The following CREBBP variants were observed in gnomAD, a reference collection of about 807,000 sequenced individuals.
The protein encoded by CREBBP is CREB-binding protein.
Under a neutral mutation model 265.0 loss-of-function variants are expected in CREBBP, and 19 were observed. The observed-to-expected ratio is 0.07, with a 90% CI of 0.05 to 0.11. CREBBP has a LOEUF of 0.11. CREBBP is among the 10% of genes least tolerant of loss of function. The probability of loss-of-function intolerance (pLI) is 1.00; values close to 1 mark genes in which losing one functional copy is unlikely to be tolerated. For missense variants in CREBBP, 2,525 were observed against 3,219.0 expected (o/e 0.78, Z 5.22); for synonymous variants, 1,457 against 1,223.7 (o/e 1.19, Z -3.98).
At chr16:3,843,923 C>T (rs1055413649) in intron 2 of CREBBP, among the ~76,000 whole-genome samples, 6 of 151,358 alleles carry the variant, frequency 4.0e-5, no homozygotes, top group Admixed American at 1.3e-4. Flanking sequence ...CCGAGGCGGG[C>T]GGATCACGAG....
At chr16:3,795,434 T>C (rs1473108893) in intron 3 of CREBBP, among the ~76,000 whole-genome samples, 1 of 152,150 alleles carries the variant, frequency 6.6e-6, no homozygotes, top group African/African-American at 2.4e-5. Flanking sequence ...CAATAGAGCC[T>C]CGTATCTCCC....
intron 1 of CREBBP, among the ~76,000 whole-genome samples, chr16:3,870,346 T>C (rs1478943865): frequency 6.6e-6 from 1 of 152,236 alleles, no homozygotes; most frequent in African/African-American, 2.4e-5. Flanking sequence ...CTGACTAAAC[T>C]GGACAGTGAT....
intron 2 of CREBBP, among the ~76,000 whole-genome samples, chr16:3,841,474 T>A (rs184306424): frequency 0.013 from 1,944 of 151,854 alleles, 39 homozygotes; most frequent in African/African-American, 0.043. Context: ...ATCAATTTTT[T>A]AAAAAAAATC....
At chr16:3,733,585 C>G (rs998057473) in intron 28 of CREBBP, among the ~76,000 whole-genome samples, 3 of 152,194 alleles carry the variant, frequency 2.0e-5, no homozygotes, top group African/African-American at 7.2e-5. Flanking sequence ...ACAGGAGAAA[C>G]TGCGTGCTGC....
intron 15 of CREBBP, 85 bp from the exon 16 acceptor site, chr16:3,767,994 A>C: frequency 7.4e-7 from 1 of 1,348,146 alleles, no homozygotes; most frequent in Admixed American, 1.7e-5. Flanking sequence ...TACAAGCCTA[A>C]AACAGGTTTG....
chr16:3,757,685 G>A (rs754226112), intron 18 of CREBBP, 124 bp downstream of exon 18: 25 of 1,377,334 alleles, frequency 1.8e-5, no homozygotes, highest in Non-Finnish European at 2.5e-5. Flanking sequence ...CATCAACTGT[G>A]TCACCAGACA....
intron 1 of CREBBP, among the ~76,000 whole-genome samples, chr16:3,875,676 A>T (rs2055385856): frequency 6.6e-6 from 1 of 152,220 alleles, no homozygotes; most frequent in Non-Finnish European, 1.5e-5. Context: ...GAGACTTAGA[A>T]AATAAATATA....
chr16:3,739,604 G>A lies in CREBBP; in HGVS notation c.4254C>T (p.Gly1418=), dbSNP rs2052152324. The A allele has an allele frequency of 6.2e-7, 1 of 1,614,078 alleles. No individual in the cohort carries two copies. Among genetic ancestry groups the A allele is most frequent in the Admixed American group, 1.7e-5 (1 of 59,996 alleles). ...TCGTGTTTGGAGGGGGGCAATCAGA[G>A]CCGTATTCTTGGACGTGCATTCCAA... is the stretch of plus-strand genomic sequence containing the variant. The part of the protein sequence containing the change: ...CFFGMHVQEY[G]SDCPPPNTRR... Residue 1418 remains glycine (G), a synonymous_variant, in exon 25 of 31, where the codon GGC becomes GGT. Coordinates refer to ENST00000262367, the MANE Select transcript of CREBBP (RefSeq NM_004380.3).
intron 2 of CREBBP, among the ~76,000 whole-genome samples, chr16:3,823,501 ACT>A (rs2054179594): frequency 6.6e-6 from 1 of 151,794 alleles, no homozygotes; most frequent in Non-Finnish European, 1.5e-5. Context: ...CAGGCCCACC[ACT>A]CTCTGCAGGG....
chr16:3,869,742 G>A (rs889036312), intron 1 of CREBBP, among the ~76,000 whole-genome samples: 1 of 152,124 alleles, frequency 6.6e-6, no homozygotes, highest in African/African-American at 2.4e-5. Context: ...ACTGGACAGC[G>A]CTGGCTTGGA....
intron 1 of CREBBP, among the ~76,000 whole-genome samples, chr16:3,873,674 T>C (rs377016345): frequency 8.3e-4 from 126 of 152,274 alleles, no homozygotes; most frequent in Non-Finnish European, 1.5e-3. Context: ...ATTATCTCCA[T>C]GTTACAGATG....
At chr16:3,750,820 C>A (rs1229558831) in intron 20 of CREBBP, among the ~76,000 whole-genome samples, 1 of 152,160 alleles carries the variant, frequency 6.6e-6, no homozygotes, top group African/African-American at 2.4e-5. Context: ...ACTTCAGTAA[C>A]TGAAAGGATG....
chr16:3,812,725 G>A (rs1263544990), intron 2 of CREBBP, among the ~76,000 whole-genome samples: 1 of 152,136 alleles, frequency 6.6e-6, no homozygotes, highest in Non-Finnish European at 1.5e-5. Context: ...TCCCTGTGGA[G>A]AAACAACGAC....
rs1308793009 is a variant in CREBBP at position 3,775,409 on chromosome 16, ACT to A, written c.2159-718_2159-717del. ...TCCAATTTCCAATAATACTCTGTAA[ACT>A]CTGAGTTCTAAAGAAGCACCAGTTC... On this transcript the variant is annotated intron_variant, in intron 11 of 30. Transcript: ENST00000262367. Among the ~76,000 whole-genome samples the A allele has an allele frequency of 2.6e-5, 4 of 152,248 alleles. No homozygotes were observed. In the South Asian group the frequency reaches 8.3e-4, roughly 32 times the overall value.
intron 3 of CREBBP, among the ~76,000 whole-genome samples, chr16:3,803,803 G>A (rs925503785): frequency 2.0e-5 from 3 of 152,016 alleles, no homozygotes; most frequent in Non-Finnish European, 2.9e-5. Context: ...TAAGGTGGCC[G>A]GGAGAGGTGG....
In CREBBP at chr16:3,754,538, A is replaced by AAAAT. The variant is rs74909296; in HGVS notation, c.3699-2733_3699-2732insATTT. 1.0e-3 allele frequency among the ~76,000 whole-genome samples: 152 copies of AAAAT among 151,988 alleles called. 1 individual carries two copies. The highest frequency in any genetic ancestry group is 3.5e-3 in the African/African-American group (145 of 41,498). ...AGTGATGATGCATTTCAGGGTTGCT[A>AAAAT]TAGTACCATGGAACTGCATAGTTTA... On this transcript the variant is annotated intron_variant, in intron 19 of 30. Coordinates refer to ENST00000262367, the MANE Select transcript of CREBBP (RefSeq NM_004380.3).
At chr16:3,771,433 T>C (rs2053005677) in intron 13 of CREBBP, among the ~76,000 whole-genome samples, 1 of 152,156 alleles carries the variant, frequency 6.6e-6, no homozygotes, top group African/African-American at 2.4e-5. Flanking sequence ...CATCGAGCTA[T>C]ACACTTGTAA....
In CREBBP at chr16:3,867,991, A is replaced by G. The variant is rs538104160; in HGVS notation, c.85+11841T>C. Among the ~76,000 whole-genome samples the G allele has an allele frequency of 1.3e-4, 20 of 152,292 alleles. No individual in the cohort carries two copies. In the East Asian group the frequency reaches 3.1e-3, roughly 23 times the overall value. On this transcript the variant is annotated intron_variant, in intron 1 of 30. Transcript: ENST00000262367. ...TGCATTTCTAATACTAACATTTCCA[A>G]CAGCTCTGAGATATGTATCAGTCTG...
chr16:3,851,114 C>G (rs2054824573), intron 1 of CREBBP, 105 bp from the exon 2 acceptor site: 1 of 921,682 alleles, frequency 1.1e-6, no homozygotes, highest in Admixed American at 1.9e-5. Context: ...AGCACGAACA[C>G]TAGCATGTCT....
Sources: allele counts gnomAD v4.1 joint callset (sites outside exome capture counted in the v4.1 genomes callset), GRCh38; gene constraint gnomAD v4.1.1; transcripts MANE v1.5; gene names NCBI Gene and HGNC (gene_info 2026-07-23, HGNC 2026-07-21).